The following ARHGAP5 variants were observed in gnomAD, a reference collection of about 807,000 sequenced individuals.
ARHGAP5 encodes Rho GTPase activating protein 5.
A neutral mutation model predicts 116.6 loss-of-function variants in ARHGAP5; 23 were observed. The observed-to-expected ratio is 0.20, with a 90% CI of 0.14 to 0.28. The LOEUF (loss-of-function observed/expected upper bound fraction) is 0.28, where lower values mean the gene tolerates loss of function less well. ARHGAP5 is among the 10% of genes least tolerant of loss of function. The pLI is 1.00. For missense variants in ARHGAP5, 1,405 were observed against 1,774.8 expected, an observed-to-expected ratio of 0.79 and a Z score of 3.74; for synonymous variants, 574 against 602.0, an observed-to-expected ratio of 0.95 and a Z score of 0.68.
chr14:32,092,457 T>C lies in ARHGAP5; in HGVS notation c.1788T>C (p.Val596=). Reference sequence around the variant, plus strand: ...ACGATAGTACCAATATAGATAAAGTTAACCTTTTTATTTTAGGGAAGGATG... The same window carrying C: ...ACGATAGTACCAATATAGATAAAGTCAACCTTTTTATTTTAGGGAAGGATG... The part of the protein sequence containing the change: ...LYHDSTNIDK[V]NLFILGKDGL... Residue 596 remains valine (V), a synonymous_variant, in exon 2 of 7, where the codon GTT becomes GTC. Coordinates refer to ENST00000345122, the MANE Select transcript of ARHGAP5 (RefSeq NM_001030055.2). The surrounding 1 kb of genome is among the most constrained non-coding windows in gnomAD (Gnocchi z 4.1). 1 of 1,613,984 alleles carries C rather than the reference T, an allele frequency of 6.2e-7. No homozygotes were observed. The highest frequency in any genetic ancestry group is 8.5e-7 in the Non-Finnish European group (1 of 1,179,882).
chr14:32,084,066 G>A (rs1323480017), intron 1 of ARHGAP5, among the ~76,000 whole-genome samples: 1 of 152,142 alleles, frequency 6.6e-6, no homozygotes, highest in East Asian at 1.9e-4. Context: ...AGAATGACTT[G>A]CACACCAAGG....
At chr14:32,111,123 C>G (rs1879272121) in intron 2 of ARHGAP5, among the ~76,000 whole-genome samples, 1 of 152,172 alleles carries the variant, frequency 6.6e-6, no homozygotes, top group South Asian at 2.1e-4. Flanking sequence ...ACAATCAGAG[C>G]CTGGGGCTGT....
chr14:32,096,106 C>T (rs189336083), intron 2 of ARHGAP5, among the ~76,000 whole-genome samples: 3 of 150,462 alleles, frequency 2.0e-5, no homozygotes, highest in East Asian at 1.9e-4. Flanking sequence ...TGTGTGCGTG[C>T]GCACGTGTGT....
chr14:32,085,355 T>TA (rs2041818213), intron 1 of ARHGAP5, among the ~76,000 whole-genome samples: 1 of 151,712 alleles, frequency 6.6e-6, no homozygotes, highest in South Asian at 2.1e-4. Context: ...GAGGCTGAGA[T>TA]GAGAGGATCA....
intron 3 of ARHGAP5, among the ~76,000 whole-genome samples, chr14:32,125,331 A>C (rs1169876177): frequency 6.6e-6 from 1 of 152,162 alleles, no homozygotes; most frequent in Non-Finnish European, 1.5e-5. Flanking sequence ...AACATGTATC[A>C]TTATGTGTAT....
rs1881971511 is a variant in ARHGAP5 at position 32,158,013 on chromosome 14, T to C, written c.*3065T>C. On this transcript the variant is annotated 3_prime_UTR_variant, in exon 7 of 7. Transcript: ENST00000345122. ...TATAATTTTAAAAAGTCAAAAGTGC[T>C]TTTGTTTCTTTGTTTAATGTAATTT... 1 of 151,720 alleles carries C rather than the reference T, an allele frequency of 6.6e-6. No individual in the cohort carries two copies. Among genetic ancestry groups the C allele is most frequent in the Non-Finnish European group, 1.5e-5 (1 of 67,706 alleles). 9.4% of individuals were successfully genotyped at this position (151,720 alleles called of 1,614,324 possible). A position where few individuals can be genotyped will look rare whatever the true frequency, so the allele number is the denominator to read the frequency against.
intron 3 of ARHGAP5, among the ~76,000 whole-genome samples, chr14:32,124,855 G>A (rs1594373917): frequency 6.6e-6 from 1 of 152,110 alleles, no homozygotes; most frequent in Admixed American, 6.6e-5. Flanking sequence ...ATAATTCAGG[G>A]TAGACATCTA....
intron 3 of ARHGAP5, among the ~76,000 whole-genome samples, chr14:32,131,174 G>A (rs1014802261): frequency 8.6e-5 from 13 of 151,256 alleles, no homozygotes; most frequent in African/African-American, 2.9e-4. Flanking sequence ...TTGTCTCAAC[G>A]GTGTCCTCTT....
chr14:32,123,098 C>T (rs769476417), intron 3 of ARHGAP5, among the ~76,000 whole-genome samples: 3 of 152,016 alleles, frequency 2.0e-5, no homozygotes, highest in Non-Finnish European at 4.4e-5. Flanking sequence ...TTTTCTCCCT[C>T]AACCCCCAAT....
intron 2 of ARHGAP5, among the ~76,000 whole-genome samples, chr14:32,112,311 T>C (rs1485341834): frequency 6.6e-6 from 1 of 152,202 alleles, no homozygotes; most frequent in East Asian, 1.9e-4. Context: ...TTTGAAGATG[T>C]TGCTGAGGTG....
chr14:32,109,741 G>C (rs943477903), intron 2 of ARHGAP5, among the ~76,000 whole-genome samples: 15 of 151,958 alleles, frequency 9.9e-5, no homozygotes, highest in African/African-American at 2.9e-4. Context: ...TTACATATTT[G>C]CAAACTTTTT....
At chr14:32,137,440 T>C (rs1880864574) in intron 3 of ARHGAP5, among the ~76,000 whole-genome samples, 1 of 151,946 alleles carries the variant, frequency 6.6e-6, no homozygotes, top group East Asian at 1.9e-4. Flanking sequence ...ATTATACTTT[T>C]GCTAGTACCA....
chr14:32,149,585 A>G (rs1044713586), intron 4 of ARHGAP5, among the ~76,000 whole-genome samples: 3 of 151,954 alleles, frequency 2.0e-5, no homozygotes, highest in Non-Finnish European at 4.4e-5. Context: ...AGCCTGGCCA[A>G]CATGGTGAAA....
intron 2 of ARHGAP5, among the ~76,000 whole-genome samples, chr14:32,098,209 A>C (rs566973989): frequency 6.6e-6 from 1 of 152,186 alleles, no homozygotes; most frequent in Non-Finnish European, 1.5e-5. Context: ...TCATTCTATC[A>C]TATAATATAA....
At chr14:32,111,760 C>G (rs751782906) in intron 2 of ARHGAP5, among the ~76,000 whole-genome samples, 2 of 150,524 alleles carry the variant, frequency 1.3e-5, no homozygotes, top group Non-Finnish European at 3.0e-5. Flanking sequence ...TTTGCTACTT[C>G]TAAGCAGGTT....
chr14:32,147,883 T>A (rs1225608791), intron 4 of ARHGAP5, among the ~76,000 whole-genome samples: 1 of 152,220 alleles, frequency 6.6e-6, no homozygotes, highest in Non-Finnish European at 1.5e-5. Flanking sequence ...CCAGTCACAG[T>A]GGCTCACCCC....
intron 3 of ARHGAP5, among the ~76,000 whole-genome samples, chr14:32,136,937 T>A (rs1880835636): frequency 6.6e-6 from 1 of 152,124 alleles, no homozygotes; most frequent in African/African-American, 2.4e-5. Context: ...TAAATTGGGT[T>A]ATCTTTTGTT....
In ARHGAP5 at chr14:32,114,119, T is replaced by C. The variant is rs1008241185; in HGVS notation, c.3718-3021T>C. Among the ~76,000 whole-genome samples, 12 of 151,902 alleles carry C rather than the reference T, an allele frequency of 7.9e-5. No homozygotes were observed. The East Asian group carries it at 1.5e-3, about 20-fold the overall frequency. ...GGCACACGCCTGTAGTCCCAGCTAC[T>C]CGGGAGGCTGAGGCAGGAGAATGGC... On this transcript the variant is annotated intron_variant, in intron 2 of 6. Transcript: ENST00000345122.
At chr14:32,132,246 G>A (rs777556780) in intron 3 of ARHGAP5, among the ~76,000 whole-genome samples, 113 of 152,272 alleles carry the variant, frequency 7.4e-4, no homozygotes, top group Non-Finnish European at 1.4e-3. Context: ...TCCAGCACCT[G>A]TTGTTTCCTG....
Sources: allele counts gnomAD v4.1 joint callset (sites outside exome capture counted in the v4.1 genomes callset), GRCh38; gene constraint gnomAD v4.1.1; non-coding constraint Gnocchi (gnomAD v3.1); transcripts MANE v1.5; gene names NCBI Gene and HGNC (gene_info 2026-07-23, HGNC 2026-07-21).